Variants in SYNE3 observed in about 807,000 individuals in gnomAD.
SYNE3 encodes the protein nesprin-3.
SYNE3 carries 100 observed loss-of-function variants against 111.2 expected under a neutral mutation model. The ratio of observed to expected loss-of-function variants is 0.90; its 90% CI spans 0.77 to 1.06. The LOEUF (loss-of-function observed/expected upper bound fraction) is 1.06, where lower values mean the gene tolerates loss of function less well. Ranked by LOEUF, SYNE3 falls within the 50% of genes least tolerant of loss-of-function variation. The probability of loss-of-function intolerance (pLI) is 0.00; values close to 1 mark genes in which losing one functional copy is unlikely to be tolerated. For synonymous variants in SYNE3, 547 were observed against 533.9 expected, an observed-to-expected ratio of 1.02 and a Z score of -0.34; for missense variants, 1,160 against 1,240.3, an observed-to-expected ratio of 0.94 and a Z score of 0.97.
At chr14:95,424,522 G>A (rs929960825) in intron 17 of SYNE3, among the ~76,000 whole-genome samples, 1 of 152,168 alleles carries the variant, frequency 6.6e-6, no homozygotes, top group Non-Finnish European at 1.5e-5. Flanking sequence ...AAAAGCAATG[G>A]TAGCAACTTC....
chr14:95,439,547 G>GAGTGTCCCTGAGTGAGAAGGGGC, intron 13 of SYNE3, 65 bp downstream of exon 13: 1 of 1,585,696 alleles, frequency 6.3e-7, no homozygotes. Flanking sequence ...ACGAGCACCT[G>GAGTGTCCCTGAGTGAGAAGGGGC]AGTGTCCCTG....
At chr14:95,449,502 C>A in intron 8 of SYNE3, 1 of 985,488 alleles carries the variant, frequency 1.0e-6, no homozygotes, top group Non-Finnish European at 1.2e-6. Flanking sequence ...TGGCTTAGAA[C>A]TACAAAGGGC....
In SYNE3 at chr14:95,439,022, G is replaced by A; in HGVS notation, c.2376+11C>T. On this transcript the variant is annotated intron_variant, in intron 14 of 17. Transcript: ENST00000682763. ...GGCCCCTTCTCCCACAGCCCTGCTA[G>A]ACAGACTCACGCGTCGACGATGCCT... The A allele has an allele frequency of 1.2e-6, 2 of 1,613,772 alleles. No individual in the cohort carries two copies. Among genetic ancestry groups the A allele is most frequent in the Non-Finnish European group, 1.7e-6 (2 of 1,179,968 alleles).
At chr14:95,423,513 A>T (rs1319213953) in intron 17 of SYNE3, among the ~76,000 whole-genome samples, 1 of 98,984 alleles carries the variant, frequency 1.0e-5, no homozygotes, top group Admixed American at 1.0e-4. Flanking sequence ...TAGGGATTTG[A>T]TGGGGATGGG....
Position 95,443,306 on chromosome 14 carries a change from A to C in SYNE3, c.1777-17T>G. ...CTGCAGCCCCTGCAGTAGAGAAGGG[A>C]ACAGGTAGGCTAATCTTCCCACCTC... On this transcript the variant is annotated splice_polypyrimidine_tract_variant and intron_variant, in intron 10 of 17. Transcript: ENST00000682763. 6.2e-7 allele frequency: 1 copy of C among 1,613,996 alleles called. No individual in the cohort carries two copies. The highest frequency in any genetic ancestry group is 8.5e-7 in the Non-Finnish European group (1 of 1,179,928).
chr14:95,431,122 G>C (rs997531404), intron 17 of SYNE3, among the ~76,000 whole-genome samples: 1 of 152,202 alleles, frequency 6.6e-6, no homozygotes, highest in Non-Finnish European at 1.5e-5. Flanking sequence ...GTGTCATTAC[G>C]GGCCAATGCC....
At chr14:95,424,124 C>A (rs777723705) in intron 17 of SYNE3, among the ~76,000 whole-genome samples, 1 of 152,142 alleles carries the variant, frequency 6.6e-6, no homozygotes, top group Non-Finnish European at 1.5e-5. Context: ...GAAGCAAGAG[C>A]TCACGCAGTC....
At chr14:95,453,131 T>C (rs1273043894) in intron 6 of SYNE3, among the ~76,000 whole-genome samples, 2 of 152,174 alleles carry the variant, frequency 1.3e-5, no homozygotes, top group African/African-American at 4.8e-5. Flanking sequence ...CCCACCTCTG[T>C]CTTTTCCTAG....
chr14:95,418,258 A>G (rs1269963443), intron 17 of SYNE3, among the ~76,000 whole-genome samples: 1 of 152,244 alleles, frequency 6.6e-6, no homozygotes, highest in Non-Finnish European at 1.5e-5. Context: ...TAGAAAACAC[A>G]GTTGCAGGCT....
At chr14:95,455,809 C>T in intron 5 of SYNE3, 85 bp from the exon 6 acceptor site, 3 of 1,343,972 alleles carry the variant, frequency 2.2e-6, no homozygotes, top group Non-Finnish European at 3.1e-6. Context: ...CTGGGACTGC[C>T]CTGCAAAACA....
chr14:95,440,716 C>T (rs573505654), intron 11 of SYNE3, among the ~76,000 whole-genome samples: 13 of 152,320 alleles, frequency 8.5e-5, no homozygotes, highest in African/African-American at 2.9e-4. Context: ...TGAAGGATAA[C>T]ATCAGGCAAG....
intron 1 of SYNE3, among the ~76,000 whole-genome samples, chr14:95,484,258 C>G (rs867040608): frequency 1.5e-4 from 23 of 152,252 alleles, no homozygotes; most frequent in South Asian, 4.1e-4. Flanking sequence ...AGGTCCCCAG[C>G]CGTGGTAGGG....
intron 11 of SYNE3, among the ~76,000 whole-genome samples, chr14:95,441,349 T>C (rs1359505612): frequency 6.6e-6 from 1 of 152,218 alleles, no homozygotes; most frequent in African/African-American, 2.4e-5. Flanking sequence ...GGTCCCTGTG[T>C]GCCAACATTA....
chr14:95,425,704 G>T (rs1302573383), intron 17 of SYNE3, among the ~76,000 whole-genome samples: 3 of 152,140 alleles, frequency 2.0e-5, no homozygotes, highest in Non-Finnish European at 4.4e-5. Flanking sequence ...ATGAGAGGAG[G>T]TCTATGGGAA....
chr14:95,475,172 G>A (rs1356811563), intron 2 of SYNE3, among the ~76,000 whole-genome samples: 1 of 152,254 alleles, frequency 6.6e-6, no homozygotes, highest in East Asian at 1.9e-4. Context: ...ATGGTCTTGT[G>A]CCAGGTGGGG....
chr14:95,438,835 T>A (rs1337266956), intron 14 of SYNE3, 198 bp downstream of exon 14: 2 of 668,462 alleles, frequency 3.0e-6, no homozygotes. Flanking sequence ...GACTCTGGGA[T>A]CTCTGAGGTC....
intron 1 of SYNE3, among the ~76,000 whole-genome samples, chr14:95,480,897 A>C (rs1036929059): frequency 2.0e-5 from 3 of 152,250 alleles, no homozygotes; most frequent in Non-Finnish European, 4.4e-5. Context: ...AGGCAGCCCC[A>C]GCCCATCTCA....
chr14:95,444,338 G>T, intron 10 of SYNE3, 147 bp downstream of exon 10: 1 of 1,023,542 alleles, frequency 9.8e-7, no homozygotes, highest in Non-Finnish European at 1.3e-6. Context: ...AGGTTCTGTT[G>T]AGGTGAAAGG....
At chr14:95,461,206 A>G (rs952861948) in intron 4 of SYNE3, among the ~76,000 whole-genome samples, 1 of 152,334 alleles carries the variant, frequency 6.6e-6, no homozygotes, top group South Asian at 2.1e-4. Flanking sequence ...ATGCCTCTGC[A>G]AAGGGCTGCA....
Sources: gnomAD v4.1 joint callset for allele counts (sites outside exome capture counted in the v4.1 genomes callset) on GRCh38, gnomAD v4.1.1 for gene constraint, MANE v1.5 for transcripts, NCBI Gene and HGNC (gene_info 2026-07-23, HGNC 2026-07-21) for gene names.